Variants in MYOZ2 observed in about 807,000 individuals in gnomAD.
MYOZ2 encodes the protein myozenin-2.
A neutral mutation model predicts 25.4 loss-of-function variants in MYOZ2; 19 were observed. The ratio of observed to expected loss-of-function variants is 0.75; its 90% confidence interval spans 0.52 to 1.10. The LOEUF (loss-of-function observed/expected upper bound fraction) is 1.10, where lower values mean the gene tolerates loss of function less well. Ranked by LOEUF, MYOZ2 falls within the 50% of genes least tolerant of loss-of-function variation. The pLI is 0.00. For missense variants in MYOZ2, 270 were observed against 317.9 expected (o/e 0.85, Z 1.15); for synonymous variants, 92 against 106.9 (o/e 0.86, Z 0.86).
chr4:119,151,125 A>G, intron 3 of MYOZ2, 84 bp downstream of exon 3: 1 of 1,330,576 alleles, frequency 7.5e-7, no homozygotes, highest in Non-Finnish European at 1.1e-6. Flanking sequence ...TGAAGGAAGT[A>G]TTCTATATAT....
intron 5 of MYOZ2, among the ~76,000 whole-genome samples, chr4:119,184,058 A>C (rs1478353573): frequency 6.6e-6 from 1 of 152,040 alleles, no homozygotes; most frequent in Admixed American, 6.6e-5. Context: ...CAGGTGATCC[A>C]TCCACCTTCT....
chr4:119,168,996 A>T (rs946570537), intron 5 of MYOZ2, among the ~76,000 whole-genome samples: 8 of 152,218 alleles, frequency 5.3e-5, no homozygotes, highest in African/African-American at 1.9e-4. Context: ...AGCAAAAATC[A>T]CTGTTGCCTT....
intron 3 of MYOZ2, among the ~76,000 whole-genome samples, chr4:119,155,502 G>A (rs1741553482): frequency 6.6e-6 from 1 of 152,184 alleles, no homozygotes; most frequent in Admixed American, 6.6e-5. Context: ...GAAATTCTAA[G>A]ATGGGTCTTA....
intron 5 of MYOZ2, among the ~76,000 whole-genome samples, chr4:119,166,616 G>A (rs1741831393): frequency 6.6e-6 from 1 of 152,006 alleles, no homozygotes; most frequent in Non-Finnish European, 1.5e-5. Flanking sequence ...CAGTATACAG[G>A]CATACCTCGT....
At chr4:119,170,340 A>G (rs1028217243) in intron 5 of MYOZ2, among the ~76,000 whole-genome samples, 13 of 151,992 alleles carry the variant, frequency 8.6e-5, no homozygotes, top group African/African-American at 2.9e-4. Flanking sequence ...ATGCTAAAAA[A>G]AATTTTCATA....
intron 4 of MYOZ2, among the ~76,000 whole-genome samples, chr4:119,159,172 C>T: frequency 6.6e-6 from 1 of 152,068 alleles, no homozygotes; most frequent in African/African-American, 2.4e-5. Flanking sequence ...CACAGTGGCT[C>T]ACAGCTATAA....
chr4:119,140,819 G>T (rs1199463224), intron 2 of MYOZ2, among the ~76,000 whole-genome samples: 1 of 152,096 alleles, frequency 6.6e-6, no homozygotes, highest in Non-Finnish European at 1.5e-5. Flanking sequence ...GATTTATACA[G>T]TTTTTAAATA....
chr4:119,154,097 A>C (rs1578732220), intron 3 of MYOZ2, among the ~76,000 whole-genome samples: 1 of 152,152 alleles, frequency 6.6e-6, no homozygotes, highest in South Asian at 2.1e-4. Context: ...AGTAATTCTG[A>C]AATAAGACCA....
chr4:119,160,651 A>T (rs144452849), intron 4 of MYOZ2, among the ~76,000 whole-genome samples: 3 of 152,076 alleles, frequency 2.0e-5, no homozygotes, highest in African/African-American at 7.2e-5. Flanking sequence ...TGGGGGGAAA[A>T]CTGCATGCTT....
chr4:119,139,729 C>T (rs193226282), intron 2 of MYOZ2, among the ~76,000 whole-genome samples: 183 of 152,170 alleles, frequency 1.2e-3, no homozygotes, highest in African/African-American at 4.2e-3. Context: ...GTATGATGTT[C>T]CCTGACTTTA....
chr4:119,154,670 A>G (rs1741529588), intron 3 of MYOZ2, among the ~76,000 whole-genome samples: 1 of 152,178 alleles, frequency 6.6e-6, no homozygotes, highest in African/African-American at 2.4e-5. Flanking sequence ...TTTGTGCATT[A>G]TACATTTAAA....
intron 5 of MYOZ2, among the ~76,000 whole-genome samples, chr4:119,183,513 C>G (rs1406924993): frequency 6.6e-6 from 1 of 152,074 alleles, no homozygotes; most frequent in Non-Finnish European, 1.5e-5. Flanking sequence ...GTGAATAGGG[C>G]AAAACCTGCA....
rs117556704 is a variant in MYOZ2, at chr4:119,158,135, A to G, written c.360A>G (p.Pro120=). The G allele has an allele frequency of 1.1e-3, 1,729 of 1,614,116 alleles. 34 individuals carry two copies. The East Asian group carries it at 0.033, about 31-fold the overall frequency. Residue 120 remains proline, a synonymous_variant, in exon 4 of 6, where the codon CCA becomes CCG. Transcript: ENST00000307128. ...NTPDPRSPPN[P]DNIAPGYSGP... ...CAGATCCACGAAGCCCTCCAAATCC[A>G]GACAACATTGCTCCAGGTAACCAAT...
chr4:119,168,445 G>T (rs1741873502), intron 5 of MYOZ2, among the ~76,000 whole-genome samples: 2 of 152,144 alleles, frequency 1.3e-5, no homozygotes, highest in Non-Finnish European at 2.9e-5. Flanking sequence ...CTTCTGAAAA[G>T]AATTCACCAT....
At chr4:119,177,977 C>G (rs1742113439) in intron 5 of MYOZ2, among the ~76,000 whole-genome samples, 1 of 152,104 alleles carries the variant, frequency 6.6e-6, no homozygotes, top group African/African-American at 2.4e-5. Context: ...TATTTATTGT[C>G]TCTATTTCCT....
intron 5 of MYOZ2, among the ~76,000 whole-genome samples, chr4:119,179,050 A>G (rs1448334258): frequency 3.3e-5 from 5 of 152,242 alleles, no homozygotes; most frequent in African/African-American, 1.2e-4. Flanking sequence ...AGCCAGAAAG[A>G]AATAATTTAG....
chr4:119,173,907 G>A (rs1741996992), intron 5 of MYOZ2, among the ~76,000 whole-genome samples: 1 of 152,240 alleles, frequency 6.6e-6, no homozygotes, highest in Admixed American at 6.5e-5. Flanking sequence ...CCGGCCCGGG[G>A]CAATGAGGGA....
intron 5 of MYOZ2, among the ~76,000 whole-genome samples, chr4:119,167,107 A>C (rs1741840655): frequency 6.6e-6 from 1 of 152,254 alleles, no homozygotes; most frequent in Admixed American, 6.5e-5. Flanking sequence ...AAGACATGTC[A>C]AAAGCAGAGA....
intron 5 of MYOZ2, among the ~76,000 whole-genome samples, chr4:119,182,741 C>G (rs995794882): frequency 1.3e-5 from 2 of 152,188 alleles, no homozygotes; most frequent in East Asian, 3.9e-4. Flanking sequence ...GAAATGCTCA[C>G]TCACCCTCCG....
Sources: gnomAD v4.1 joint callset for allele counts (sites outside exome capture counted in the v4.1 genomes callset) on GRCh38, gnomAD v4.1.1 for gene constraint, MANE v1.5 for transcripts, NCBI Gene and HGNC (gene_info 2026-07-23, HGNC 2026-07-21) for gene names.